Variants in ETFDH observed in about 807,000 individuals in gnomAD.
ETFDH encodes the protein electron transfer flavoprotein dehydrogenase.
ETFDH carries 61 observed loss-of-function variants against 73.2 expected under a neutral mutation model. That is an observed-to-expected ratio of 0.83 (90% confidence interval 0.68 to 1.03). The LOEUF (loss-of-function observed/expected upper bound fraction) is 1.03, where lower values mean the gene tolerates loss of function less well. Among genes scored for constraint, ETFDH ranks in the 50% least tolerant of loss-of-function variants. ETFDH has a pLI of 0.00. For missense variants in ETFDH, 685 were observed against 745.0 expected (o/e 0.92, Z 0.94); for synonymous variants, 243 against 253.3 (o/e 0.96, Z 0.39).
chr4:158,680,747 A>C, intron 2 of ETFDH, 140 bp downstream of exon 2: 1 of 721,318 alleles, frequency 1.4e-6, no homozygotes, highest in East Asian at 2.8e-5. Flanking sequence ...ATGCTGCATA[A>C]TGACCCTTCA....
In ETFDH at chr4:158,685,171, A is replaced by C; in HGVS notation, c.558A>C (p.Gln186His). ...ATTTAGTGAGCTGGATGGGCGAACA[A>C]GCAGAAGCCCTTGGTGTTGAAGTAT... ...LGHLVSWMGE[Q>H]AEALGVEVYP... is the part of the protein sequence containing the mutation. Residue 186 changes from glutamine to histidine, a missense_variant, in exon 5 of 13, where the codon CAA becomes CAC. This residue lies in a region of ETFDH where 405 missense variants were observed against 399.3 expected (regional missense o/e 1.01). Transcript: ENST00000511912. 6.2e-7 allele frequency: 1 copy of C among 1,612,986 alleles called. No homozygotes were observed. Among genetic ancestry groups the C allele is most frequent in the Non-Finnish European group, 8.5e-7 (1 of 1,179,076 alleles).
chr4:158,675,641 C>T (rs753716121), intron 1 of ETFDH, among the ~76,000 whole-genome samples: 2 of 152,052 alleles, frequency 1.3e-5, no homozygotes, highest in Non-Finnish European at 2.9e-5. Flanking sequence ...TGGTGGCATG[C>T]ACCTGTAGCC....
intron 6 of ETFDH, among the ~76,000 whole-genome samples, chr4:158,694,411 G>A (rs1288588026): frequency 6.6e-6 from 1 of 152,012 alleles, no homozygotes; most frequent in African/African-American, 2.4e-5. Flanking sequence ...TGGCCAACAT[G>A]GTGAAACCCT....
intron 7 of ETFDH, 24 bp from the exon 8 acceptor site, chr4:158,697,535 T>A: frequency 6.2e-7 from 1 of 1,603,034 alleles, no homozygotes; most frequent in Non-Finnish European, 8.5e-7. Context: ...GCAGGACTTT[T>A]TTGTTTGCTT....
At chr4:158,691,919 G>A (rs901578667) in intron 6 of ETFDH, among the ~76,000 whole-genome samples, 2 of 152,142 alleles carry the variant, frequency 1.3e-5, no homozygotes, top group East Asian at 1.9e-4. Flanking sequence ...TAGATTATAA[G>A]CTCCCTAAGG....
chr4:158,695,243 A>G (rs1455918369), intron 6 of ETFDH, among the ~76,000 whole-genome samples: 2 of 152,194 alleles, frequency 1.3e-5, no homozygotes, highest in African/African-American at 4.8e-5. Context: ...CTCTACATGG[A>G]CTACTACCTA....
intron 1 of ETFDH, among the ~76,000 whole-genome samples, chr4:158,673,058 C>T (rs759847578): frequency 1.3e-5 from 2 of 152,194 alleles, no homozygotes; most frequent in Non-Finnish European, 2.9e-5. Flanking sequence ...AATCCCAGCA[C>T]TCTGGGAGGC....
intron 10 of ETFDH, among the ~76,000 whole-genome samples, chr4:158,705,973 C>T (rs1774599335): frequency 6.6e-6 from 1 of 152,030 alleles, no homozygotes; most frequent in South Asian, 2.1e-4. Context: ...CCCACCTACT[C>T]AGGAGGCTGA....
intron 6 of ETFDH, among the ~76,000 whole-genome samples, chr4:158,692,557 G>T (rs946183407): frequency 1.3e-5 from 2 of 151,970 alleles, no homozygotes; most frequent in African/African-American, 4.8e-5. Context: ...CAGGGATTCC[G>T]ATGCATAGCC....
intron 1 of ETFDH, among the ~76,000 whole-genome samples, chr4:158,676,034 G>C (rs1486909413): frequency 6.6e-6 from 1 of 152,144 alleles, no homozygotes; most frequent in Non-Finnish European, 1.5e-5. Flanking sequence ...CCACTACCCA[G>C]ACAGAGCCAA....
intron 9 of ETFDH, among the ~76,000 whole-genome samples, chr4:158,700,417 A>T (rs191345023): frequency 2.0e-5 from 3 of 152,112 alleles, no homozygotes; most frequent in Admixed American, 2.0e-4. Flanking sequence ...ATCTAACCCT[A>T]CTCTAATTTA....
intron 1 of ETFDH, among the ~76,000 whole-genome samples, chr4:158,676,390 AGTGAT>A (rs1464222587): frequency 6.6e-6 from 1 of 152,208 alleles, no homozygotes; most frequent in East Asian, 1.9e-4. Context: ...ATTTTACAAT[AGTGAT>A]GTTATCCCCA....
chr4:158,678,407 A>G (rs918593417), intron 1 of ETFDH, among the ~76,000 whole-genome samples: 1 of 152,164 alleles, frequency 6.6e-6, no homozygotes, highest in Admixed American at 6.5e-5. Flanking sequence ...ATTTTTGGGG[A>G]TAAATACCAC....
intron 1 of ETFDH, among the ~76,000 whole-genome samples, chr4:158,674,178 T>C (rs1773655857): frequency 6.6e-6 from 1 of 152,240 alleles, no homozygotes; most frequent in Non-Finnish European, 1.5e-5. Flanking sequence ...ATATTCGTTA[T>C]AGTGTATTTG....
rs1774716538 is a variant in ETFDH, at chr4:158,708,860, T to G, written c.*333T>G. 2 of 276,728 alleles carry G rather than the reference T, an allele frequency of 7.2e-6. No individual in the cohort carries two copies. The highest frequency in any genetic ancestry group is 7.0e-6 in the Non-Finnish European group (1 of 142,964). The allele number at this position is 276,728 out of a possible 1,614,324, so 17.1% of individuals were successfully genotyped here. A position where few individuals can be genotyped will look rare whatever the true frequency, so the allele number is the denominator to read the frequency against. ...TGAATATATATTCTAGACTAAAGTT[T>G]TATTGAAACACAGCCATACCCATTG... On this transcript the variant is annotated 3_prime_UTR_variant, in exon 13 of 13. Transcript: ENST00000511912.
chr4:158,703,485 TG>T lies in ETFDH; in HGVS notation c.1180del (p.Val394PhefsTer11). On this transcript the variant is annotated frameshift_variant, in exon 10 of 13. Transcript: ENST00000511912. LOFTEE classifies it high-confidence loss of function. ...TTGGTTGTAGTCCTGGTTTTATGAA[TG>T]TTCCCAAGATCAAAGGTACTCACAC... is the stretch of plus-strand genomic sequence containing the variant. ...LIGCSPGFMNVPKIKGTHTAM... is the reference protein window; with the variant it reads ...LIGCSPGFMNXPKIKGTHTAM... 6.2e-7 allele frequency: 1 copy of T among 1,611,414 alleles called. No homozygotes were observed. Among genetic ancestry groups the T allele is most frequent in the Non-Finnish European group, 8.5e-7 (1 of 1,177,598 alleles).
At chr4:158,686,263 A>G (rs77062646) in intron 5 of ETFDH, among the ~76,000 whole-genome samples, 1,768 of 152,252 alleles carry the variant, frequency 0.012, 26 homozygotes, top group African/African-American at 0.038. Flanking sequence ...ACCCTTCCTC[A>G]CCCATCATAA....
At position 158,706,790 on chromosome 4, in the gene ETFDH, A is replaced by G; in HGVS notation, c.1630A>G (p.Ile544Val). Residue 544 changes from isoleucine to valine, a missense_variant, in exon 12 of 13, where the codon ATA becomes GTA. Coordinates refer to ENST00000511912, the MANE Select transcript of ETFDH (RefSeq NM_004453.4). ...ACACTTAACCTTAAGGGATGACAGT[A>G]TACCTGTAAATAGAAATCTGTCGAT... ...PAHLTLRDDS[I>V]PVNRNLSIYD... The G allele has an allele frequency of 1.9e-6, 3 of 1,614,004 alleles. No individual in the cohort carries two copies. Among genetic ancestry groups the G allele is most frequent in the Non-Finnish European group, 1.7e-6 (2 of 1,179,844 alleles).
At chr4:158,685,971 G>A (rs1381080170) in intron 5 of ETFDH, among the ~76,000 whole-genome samples, 1 of 152,222 alleles carries the variant, frequency 6.6e-6, no homozygotes, top group Non-Finnish European at 1.5e-5. Flanking sequence ...GTTTGTCTAG[G>A]TGTAGTTGCT....
Sources: gnomAD v4.1 joint callset for allele counts (sites outside exome capture counted in the v4.1 genomes callset) on GRCh38, gnomAD v4.1.1 for gene constraint, gnomAD v4.1.1 regional missense constraint, MANE v1.5 for transcripts, NCBI Gene and HGNC (gene_info 2026-07-23, HGNC 2026-07-21) for gene names.